Variants in RIMS2 observed in about 807,000 individuals in gnomAD.
The protein encoded by RIMS2 is regulating synaptic membrane exocytosis protein 2.
A neutral mutation model predicts 174.4 loss-of-function variants in RIMS2; 59 were observed. That is an observed-to-expected ratio of 0.34 (90% CI 0.27 to 0.42). The LOEUF (loss-of-function observed/expected upper bound fraction) is 0.42. Ranked by LOEUF, RIMS2 falls within the 10% of genes least tolerant of loss-of-function variation. The pLI is 1.00. For missense variants in RIMS2, 1,620 were observed against 1,666.3 expected (o/e 0.97, Z 0.48); for synonymous variants, 606 against 572.5 (o/e 1.06, Z -0.84).
rs1454802730 is a variant in RIMS2, at chr8:104,219,152, A to G, written c.3335-25764A>G. On this transcript the variant is annotated intron_variant, in intron 19 of 23. Coordinates refer to ENST00000504942, the Ensembl canonical transcript of RIMS2. ...ATACATATATGGCTATTTAATATTAATGTTTTTATTTTTAAAGATTATGGA... is the reference window on the plus strand; with the variant it reads ...ATACATATATGGCTATTTAATATTAGTGTTTTTATTTTTAAAGATTATGGA... Among the ~76,000 whole-genome samples the G allele has an allele frequency of 2.0e-5, 3 of 152,296 alleles. No homozygotes were observed. In the East Asian group the frequency reaches 5.8e-4, roughly 29 times the overall value.
intron 19 of RIMS2, among the ~76,000 whole-genome samples, chr8:104,181,870 TA>T (rs2098942109): frequency 6.6e-6 from 1 of 151,748 alleles, no homozygotes; most frequent in African/African-American, 2.4e-5. Flanking sequence ...CATAGCCTTT[TA>T]TTTCCCCTTA....
rs78350463 is a variant in RIMS2 at position 103,914,990 on chromosome 8, C to T, written c.1813-505C>T. On this transcript the variant is annotated intron_variant, in intron 6 of 23. Transcript: ENST00000504942. ...TCTGAATTTTATGTTACTTCTGATG[C>T]GATTACGTAAATTTTGTAATTTTTT... is the stretch of plus-strand genomic sequence containing the variant. 1.4e-3 allele frequency among the ~76,000 whole-genome samples: 205 copies of T among 151,732 alleles called. 2 individuals are homozygous for T. Among genetic ancestry groups the T allele is most frequent in the African/African-American group, 4.6e-3 (189 of 41,402 alleles).
intron 19 of RIMS2, among the ~76,000 whole-genome samples, chr8:104,107,459 C>G (rs1266833585): frequency 1.3e-5 from 2 of 152,010 alleles, no homozygotes; most frequent in Non-Finnish European, 2.9e-5. Flanking sequence ...TTTTCTGCCT[C>G]CCAGTATCTA....
At chr8:103,710,800 A>G (rs1483084964) in intron 2 of RIMS2, among the ~76,000 whole-genome samples, 1 of 152,156 alleles carries the variant, frequency 6.6e-6, no homozygotes, top group African/African-American at 2.4e-5. Flanking sequence ...ACATAATTTT[A>G]TAATGGTTAT....
At chr8:103,724,246 A>G (rs1182867855) in intron 2 of RIMS2, among the ~76,000 whole-genome samples, 1 of 152,130 alleles carries the variant, frequency 6.6e-6, no homozygotes, top group African/African-American at 2.4e-5. Context: ...TTATGGTTGC[A>G]TCATTGTTTA....
chr8:103,620,902 A>G (rs772365983), intron 1 of RIMS2, among the ~76,000 whole-genome samples: 8 of 152,214 alleles, frequency 5.3e-5, no homozygotes, highest in South Asian at 2.1e-4. Context: ...CTAAGGGAGA[A>G]GAATAGGTGG....
chr8:104,116,084 A>G (rs1014368798), intron 19 of RIMS2, among the ~76,000 whole-genome samples: 1 of 152,200 alleles, frequency 6.6e-6, no homozygotes, highest in Admixed American at 6.5e-5. Flanking sequence ...AACTGCTCAT[A>G]TGTTTTAGAA....
chr8:103,992,387 A>G (rs1262955133), intron 17 of RIMS2, among the ~76,000 whole-genome samples: 1 of 150,460 alleles, frequency 6.6e-6, no homozygotes, highest in Non-Finnish European at 1.5e-5. Flanking sequence ...GGGTATCCCA[A>G]AGTGCTGGGA....
intron 3 of RIMS2, among the ~76,000 whole-genome samples, chr8:103,878,294 A>G (rs192978426): frequency 1.3e-5 from 2 of 151,936 alleles, no homozygotes; most frequent in Admixed American, 1.3e-4. Context: ...GTATTTCTTT[A>G]TAGCAGTGTG....
At chr8:103,636,073 T>C (rs2096067603) in intron 1 of RIMS2, among the ~76,000 whole-genome samples, 1 of 152,118 alleles carries the variant, frequency 6.6e-6, no homozygotes, top group African/African-American at 2.4e-5. Context: ...CTCCAAAGTG[T>C]AAAGGCTGGA....
intron 19 of RIMS2, among the ~76,000 whole-genome samples, chr8:104,107,026 GA>G (rs999594994): frequency 9.4e-5 from 14 of 148,414 alleles, no homozygotes; most frequent in South Asian, 2.1e-4. Flanking sequence ...ATACAAAAGT[GA>G]AAAAAAAAAT....
At chr8:103,985,373 C>G (rs1402814935) in intron 16 of RIMS2, among the ~76,000 whole-genome samples, 1 of 141,124 alleles carries the variant, frequency 7.1e-6, no homozygotes, top group Non-Finnish European at 1.5e-5. Context: ...ACTTGGAAGG[C>G]TGAGTCAGGA....
intron 19 of RIMS2, among the ~76,000 whole-genome samples, chr8:104,063,549 A>T (rs1276213156): frequency 6.6e-6 from 1 of 152,222 alleles, no homozygotes; most frequent in African/African-American, 2.4e-5. Context: ...TTAAGTAATT[A>T]AATTACCCAC....
intron 19 of RIMS2, among the ~76,000 whole-genome samples, chr8:104,130,457 G>T (rs906493464): frequency 2.0e-5 from 3 of 152,124 alleles, no homozygotes; most frequent in Admixed American, 2.0e-4. Context: ...CATAGTGGCA[G>T]AAGTCCAGGT....
intron 3 of RIMS2, among the ~76,000 whole-genome samples, chr8:103,786,920 G>T (rs1288899744): frequency 1.3e-5 from 2 of 151,650 alleles, no homozygotes; most frequent in African/African-American, 2.4e-5. Flanking sequence ...CTCTTTGTAG[G>T]TCACTCACGA....
At chr8:104,223,807 TC>T in intron 19 of RIMS2, 10 of 1,591,546 alleles carry the variant, frequency 6.3e-6, no homozygotes, top group Non-Finnish European at 8.5e-6. Flanking sequence ...AGACACCCCT[TC>T]CCCCGTAGTT....
At chr8:104,085,767 C>G (rs1436916824) in intron 19 of RIMS2, among the ~76,000 whole-genome samples, 1 of 152,054 alleles carries the variant, frequency 6.6e-6, no homozygotes, top group Non-Finnish European at 1.5e-5. Flanking sequence ...CACAACTTAT[C>G]TAGGTTTTAG....
intron 19 of RIMS2, among the ~76,000 whole-genome samples, chr8:104,162,532 T>C (rs1433207187): frequency 6.6e-6 from 1 of 152,160 alleles, no homozygotes; most frequent in Non-Finnish European, 1.5e-5. Flanking sequence ...CAGATAAAGC[T>C]CTAAAGCTGG....
At chr8:103,548,932 G>T (rs781087860) in intron 1 of RIMS2, among the ~76,000 whole-genome samples, 4 of 151,966 alleles carry the variant, frequency 2.6e-5, no homozygotes, top group Non-Finnish European at 5.9e-5. Context: ...ACCACAAAAA[G>T]AATAAAATAC....
Sources: gnomAD v4.1 joint callset for allele counts (sites outside exome capture counted in the v4.1 genomes callset) on GRCh38, gnomAD v4.1.1 for gene constraint, MANE v1.5 for transcripts, NCBI Gene and HGNC (gene_info 2026-07-23, HGNC 2026-07-21) for gene names.